Variants in PARVA observed in about 807,000 individuals in gnomAD.
PARVA encodes the protein alpha-parvin.
Under a neutral mutation model 52.6 loss-of-function variants are expected in PARVA, and 25 were observed. The ratio of observed to expected loss-of-function variants is 0.48; its 90% CI spans 0.35 to 0.66. The LOEUF (loss-of-function observed/expected upper bound fraction) is 0.66. Among genes scored for constraint, PARVA ranks in the 30% least tolerant of loss-of-function variants. PARVA has a pLI of 0.01. For synonymous variants in PARVA, 185 were observed against 179.1 expected, an observed-to-expected ratio of 1.03 and a Z score of -0.26; for missense variants, 373 against 450.9, an observed-to-expected ratio of 0.83 and a Z score of 1.56.
chr11:12,510,028 T>C (rs370076522), intron 7 of PARVA, among the ~76,000 whole-genome samples: 1 of 152,228 alleles, frequency 6.6e-6, no homozygotes, highest in Admixed American at 6.5e-5. Flanking sequence ...CATGTTATGC[T>C]TTCTATGGTC....
Position 12,517,717 on chromosome 11 carries a change from G to A in PARVA, c.969+6G>A. 1.3e-6 allele frequency: 2 copies of A among 1,582,770 alleles called. No individual in the cohort carries two copies. Among genetic ancestry groups the A allele is most frequent in the Non-Finnish European group, 1.7e-6 (2 of 1,161,264 alleles). On this transcript the variant is annotated splice_donor_region_variant and intron_variant, in intron 11 of 12. Transcript: ENST00000334956. ...CGGACAGCTTTGAACAGAAGGTAAG[G>A]AGAAGGGACATCAAGGGAGGCCCCC...
intron 1 of PARVA, among the ~76,000 whole-genome samples, chr11:12,423,030 T>C (rs1285734011): frequency 6.6e-6 from 1 of 152,114 alleles, no homozygotes; most frequent in African/African-American, 2.4e-5. Context: ...AGTTTTGTAT[T>C]TCTAGTAGAG....
intron 1 of PARVA, among the ~76,000 whole-genome samples, chr11:12,464,640 G>T (rs1940830016): frequency 6.6e-6 from 1 of 152,176 alleles, no homozygotes; most frequent in Non-Finnish European, 1.5e-5. Flanking sequence ...GTCACAATCT[G>T]CATTCCATCC....
chr11:12,524,788 G>A (rs1019139754), intron 12 of PARVA, among the ~76,000 whole-genome samples: 1 of 152,182 alleles, frequency 6.6e-6, no homozygotes, highest in Non-Finnish European at 1.5e-5. Flanking sequence ...ATCCTTGGAG[G>A]GTCCATGCTC....
intron 1 of PARVA, among the ~76,000 whole-genome samples, chr11:12,390,765 C>G (rs948228589): frequency 3.3e-5 from 5 of 152,198 alleles, no homozygotes; most frequent in Non-Finnish European, 7.3e-5. Flanking sequence ...CTCCCTGGCT[C>G]TCAGCCCTGG....
intron 1 of PARVA, among the ~76,000 whole-genome samples, chr11:12,428,129 G>A (rs1390839628): frequency 6.6e-6 from 1 of 152,208 alleles, no homozygotes; most frequent in Non-Finnish European, 1.5e-5. Flanking sequence ...TGTGCTTTCT[G>A]TGAGGGGACT....
Position 12,377,717 on chromosome 11 carries a change from A to C in PARVA, c.70A>C (p.Lys24Gln), listed in dbSNP as rs1939417266. ...SPTPKSPPSRKKDDSFLGKLG... is the reference protein window; with the variant it reads ...SPTPKSPPSRQKDDSFLGKLG... ...CACTCCCAAGTCGCCCCCGTCCCGC[A>C]AGAAAGATGATTCCTTCTTGGGGAA... is the stretch of plus-strand genomic sequence containing the variant. The change falls in exon 1 of 13, where the codon AAG (lysine) becomes CAG (glutamine). Residue 24 changes from lysine to glutamine, a missense_variant. Coordinates refer to ENST00000334956, the MANE Select transcript of PARVA (RefSeq NM_018222.5). 1 of 1,565,906 alleles carries C rather than the reference A, an allele frequency of 6.4e-7. No individual in the cohort carries two copies. Among genetic ancestry groups the C allele is most frequent in the Non-Finnish European group, 8.6e-7 (1 of 1,160,872 alleles).
intron 1 of PARVA, among the ~76,000 whole-genome samples, chr11:12,469,196 G>A (rs577111330): frequency 6.6e-6 from 1 of 152,200 alleles, no homozygotes; most frequent in African/African-American, 2.4e-5. Flanking sequence ...AAAAATAGAA[G>A]TAGGGTACAA....
intron 6 of PARVA, among the ~76,000 whole-genome samples, chr11:12,508,030 T>G (rs903809472): frequency 6.7e-6 from 1 of 150,156 alleles, no homozygotes; most frequent in Non-Finnish European, 1.5e-5. Context: ...CTTAACCTTT[T>G]CTCAGAGAAT....
chr11:12,407,469 A>G (rs1336361091), intron 1 of PARVA, among the ~76,000 whole-genome samples: 2 of 152,238 alleles, frequency 1.3e-5, no homozygotes, highest in Non-Finnish European at 2.9e-5. Flanking sequence ...TTAATGTTTC[A>G]TTTAAAAGAT....
chr11:12,491,471 G>A (rs59536511), intron 4 of PARVA, among the ~76,000 whole-genome samples: 1 of 152,120 alleles, frequency 6.6e-6, no homozygotes, highest in Non-Finnish European at 1.5e-5. Context: ...GCCCAGCTGA[G>A]ATAGTTTTAA....
chr11:12,447,829 A>C (rs2135010907), intron 1 of PARVA, among the ~76,000 whole-genome samples: 1 of 152,328 alleles, frequency 6.6e-6, no homozygotes, highest in Admixed American at 6.5e-5. Flanking sequence ...TTGGGGAATG[A>C]ACATGAGGTT....
intron 1 of PARVA, among the ~76,000 whole-genome samples, chr11:12,422,853 ACTTTT>A (rs1259005060): frequency 5.3e-5 from 8 of 151,840 alleles, no homozygotes; most frequent in African/African-American, 1.7e-4. Context: ...TTGTTTTGTT[ACTTTT>A]CTTATTTATT....
chr11:12,419,660 A>G (rs1349642576), intron 1 of PARVA, among the ~76,000 whole-genome samples: 2 of 152,120 alleles, frequency 1.3e-5, no homozygotes, highest in Admixed American at 6.6e-5. Context: ...CTTACAGGTA[A>G]TTCTATGTTT....
rs951150292 is a variant in PARVA, at chr11:12,535,018, C to T, written c.*7093C>T. Among the ~76,000 whole-genome samples, 4 of 152,342 alleles carry T rather than the reference C, an allele frequency of 2.6e-5. No homozygotes were observed. Among genetic ancestry groups the T allele is most frequent in the East Asian group, 1.9e-4 (1 of 5,186 alleles). ...AGTAAGTGTGCTCTAGGCTAGGCTA[C>T]GAGAGGCCATGAGCTCCTCATCTCT... On this transcript the variant is annotated 3_prime_UTR_variant, in exon 13 of 13. Transcript: ENST00000334956.
rs1456204606 is a variant in PARVA at position 12,501,729 on chromosome 11, T to C, written c.542-2585T>C. ...ACATCTTTGTACACGTAGCGTAGTA[T>C]GTATGTGTGTGAGACTATAGACTAT... On this transcript the variant is annotated intron_variant, in intron 5 of 12. Coordinates refer to ENST00000334956, the MANE Select transcript of PARVA (RefSeq NM_018222.5). Among the ~76,000 whole-genome samples the C allele has an allele frequency of 2.0e-5, 3 of 152,322 alleles. No individual in the cohort carries two copies. The East Asian group carries it at 5.8e-4, about 29-fold the overall frequency.
chr11:12,449,633 A>G (rs923030982), intron 1 of PARVA, among the ~76,000 whole-genome samples: 5 of 152,184 alleles, frequency 3.3e-5, no homozygotes, highest in Non-Finnish European at 7.3e-5. Flanking sequence ...CAGCTAGATC[A>G]GTAGTTCTCC....
chr11:12,474,141 G>A (rs910907736), intron 3 of PARVA, among the ~76,000 whole-genome samples, 158 bp downstream of exon 3: 2 of 152,058 alleles, frequency 1.3e-5, no homozygotes, highest in Non-Finnish European at 2.9e-5. Flanking sequence ...GATGGCCATC[G>A]AAAACGTAAC....
intron 12 of PARVA, among the ~76,000 whole-genome samples, chr11:12,527,517 C>T (rs7944829): frequency 0.3 from 45,370 of 151,934 alleles, 6,911 homozygotes; most frequent in Middle Eastern, 0.47. Flanking sequence ...CCTAATGCAC[C>T]CCCTGGTCTT....
Sources: allele counts gnomAD v4.1 joint callset (sites outside exome capture counted in the v4.1 genomes callset), GRCh38; gene constraint gnomAD v4.1.1; transcripts MANE v1.5; gene names NCBI Gene and HGNC (gene_info 2026-07-23, HGNC 2026-07-21).